The following BCAS3 variants were observed in gnomAD, a reference collection of about 807,000 sequenced individuals.
BCAS3 encodes the protein BCAS4/BCAS3 fusion.
BCAS3 carries 53 observed loss-of-function variants against 116.1 expected under a neutral mutation model. The ratio of observed to expected loss-of-function variants is 0.46; its 90% CI spans 0.37 to 0.57. BCAS3 has a LOEUF of 0.57. Among genes scored for constraint, BCAS3 ranks in the 20% least tolerant of loss-of-function variants. The pLI is 0.00. For synonymous variants in BCAS3, 391 were observed against 408.2 expected, an observed-to-expected ratio of 0.96 and a Z score of 0.51; for missense variants, 917 against 1,165.4, an observed-to-expected ratio of 0.79 and a Z score of 3.10.
chr17:60,867,398 G>A (rs957703613), intron 7 of BCAS3, among the ~76,000 whole-genome samples: 3 of 151,972 alleles, frequency 2.0e-5, no homozygotes, highest in Admixed American at 1.3e-4. Flanking sequence ...GAGCCACCAC[G>A]CCTGGCCTAC....
intron 5 of BCAS3, among the ~76,000 whole-genome samples, chr17:60,719,349 G>A (rs777432958): frequency 2.6e-5 from 4 of 152,288 alleles, no homozygotes; most frequent in Non-Finnish European, 4.4e-5. Flanking sequence ...CCAAACATAT[G>A]TATATAGTTT....
chr17:60,988,030 A>G (rs75502779), intron 14 of BCAS3, among the ~76,000 whole-genome samples: 9,557 of 152,066 alleles, frequency 0.063, 402 homozygotes, highest in Non-Finnish European at 0.1. Context: ...AGTTTTTATT[A>G]TGAAGTAATG....
intron 4 of BCAS3, among the ~76,000 whole-genome samples, chr17:60,705,512 C>CAAAA (rs1033436210): frequency 1.9e-4 from 12 of 61,840 alleles, no homozygotes; most frequent in Admixed American, 3.4e-4. Flanking sequence ...AGACTTGTCT[C>CAAAA]AAAAAAAAAA....
chr17:60,854,333 G>A (rs1362006448), intron 7 of BCAS3, among the ~76,000 whole-genome samples: 2 of 152,116 alleles, frequency 1.3e-5, no homozygotes, highest in East Asian at 3.9e-4. Flanking sequence ...AGTCTTTGCT[G>A]TTGTGAATAG....
At position 61,084,691 on chromosome 17, in the gene BCAS3, A is replaced by G. The variant is rs910711285; in HGVS notation, c.2425+127A>G. On this transcript the variant is annotated intron_variant, in intron 22 of 23. Coordinates refer to ENST00000407086, the MANE Select transcript of BCAS3 (RefSeq NM_017679.5). This position sits in a 1 kb window ranked among gnomAD's most constrained non-coding sequence, Gnocchi z 5.5. ...TTTTTTTGTTTTGTGGTGTGTGTGC[A>G]TTTTAATACAGTACTGTGCCTATAT... 1.6e-5 allele frequency: 12 copies of G among 771,432 alleles called. No individual in the cohort carries two copies. Among genetic ancestry groups the G allele is most frequent in the Non-Finnish European group, 2.4e-5 (11 of 454,106 alleles). 47.8% of individuals were successfully genotyped at this position (771,432 alleles called of 1,614,324 possible).
intron 3 of BCAS3, among the ~76,000 whole-genome samples, chr17:60,686,784 G>A (rs1330311830): frequency 1.3e-5 from 2 of 151,908 alleles, no homozygotes; most frequent in African/African-American, 4.8e-5. Flanking sequence ...CCTTGGCCTC[G>A]CAAAGTTCTG....
chr17:60,741,831 T>A lies in BCAS3; in HGVS notation c.322-5367T>A, dbSNP rs552028936. Among the ~76,000 whole-genome samples the A allele has an allele frequency of 9.9e-4, 151 of 152,326 alleles. 1 individual carries two copies. Among genetic ancestry groups the A allele is most frequent in the African/African-American group, 3.5e-3 (145 of 41,584 alleles). On this transcript the variant is annotated intron_variant, in intron 5 of 23. Coordinates refer to ENST00000407086, the MANE Select transcript of BCAS3 (RefSeq NM_017679.5). ...AGATACACATGTGCCTGCCCTAATA[T>A]ACAGAAGTAGTTACTCTACTAGATA... is the stretch of plus-strand genomic sequence containing the variant.
rs1238649701 is a variant in BCAS3, at chr17:61,156,013, A to G, written c.2425+71449A>G. On this transcript the variant is annotated intron_variant, in intron 22 of 23. Transcript: ENST00000407086. The surrounding 1 kb of genome is among the most constrained non-coding windows in gnomAD (Gnocchi z 4.7). Reference sequence around the variant, plus strand: ...AGAATTGAGTTTTACTTTTCATGGTATTGTTTAAAGTGACTTAAATGACTT... The same window carrying G: ...AGAATTGAGTTTTACTTTTCATGGTGTTGTTTAAAGTGACTTAAATGACTT... Among the ~76,000 whole-genome samples the G allele has an allele frequency of 2.6e-5, 4 of 151,826 alleles. No homozygotes were observed. Among genetic ancestry groups the G allele is most frequent in the Non-Finnish European group, 4.4e-5 (3 of 68,008 alleles).
At chr17:61,101,746 T>C (rs2074341445) in intron 22 of BCAS3, among the ~76,000 whole-genome samples, 1 of 152,182 alleles carries the variant, frequency 6.6e-6, no homozygotes, top group East Asian at 1.9e-4. Context: ...TGGTTTGTTT[T>C]GTGTGATGTA....
At position 61,041,574 on chromosome 17, in the gene BCAS3, C is replaced by CT. The variant is rs1377450538; in HGVS notation, c.2029+683dup. ...GAATCCTTAATTTAATTTGATGGCT[C>CT]TGAGTAGTGCACGCTTTAAAGAAAA... is the stretch of plus-strand genomic sequence containing the variant. On this transcript the variant is annotated intron_variant, in intron 19 of 23. Coordinates refer to ENST00000407086, the MANE Select transcript of BCAS3 (RefSeq NM_017679.5). The surrounding 1 kb of genome is among the most constrained non-coding windows in gnomAD (Gnocchi z 4.7). Among the ~76,000 whole-genome samples the CT allele has an allele frequency of 6.6e-6, 1 of 151,964 alleles. No homozygotes were observed. The highest frequency in any genetic ancestry group is 2.4e-5 in the African/African-American group (1 of 41,400).
Position 61,380,462 on chromosome 17 carries a change from C to T in BCAS3, c.2594-11515C>T, listed in dbSNP as rs1470707894. On this transcript the variant is annotated intron_variant, in intron 23 of 23. Transcript: ENST00000407086. The surrounding 1 kb of genome is among the most constrained non-coding windows in gnomAD (Gnocchi z 4.2). ...AGCTCTTCCTGCTCTCTTAAAGGTCCAGTTTGTGATCCGCTTTAAAGGAAT... is the reference window on the plus strand; with the variant it reads ...AGCTCTTCCTGCTCTCTTAAAGGTCTAGTTTGTGATCCGCTTTAAAGGAAT... The T allele has an allele frequency of 6.4e-7, 1 of 1,551,048 alleles. No homozygotes were observed. The highest frequency in any genetic ancestry group is 1.1e-5 in the South Asian group (1 of 88,746).
chr17:60,835,687 A>G (rs143013080), intron 7 of BCAS3, among the ~76,000 whole-genome samples: 541 of 152,212 alleles, frequency 3.6e-3, no homozygotes, highest in African/African-American at 0.012. Flanking sequence ...TTTCCTGTAT[A>G]AAGTTTTACC....
chr17:61,029,195 G>T lies in BCAS3; in HGVS notation c.1638-5471G>T, dbSNP rs1192198671. The stretch of plus-strand genomic sequence containing the variant: ...TCTACAAACTTTTTATTAGTTTCGA[G>T]TTGCAACGTTAACACTTAGCTAAGA... On this transcript the variant is annotated intron_variant, in intron 16 of 23. Transcript: ENST00000407086. The surrounding 1 kb of genome is among the most constrained non-coding windows in gnomAD (Gnocchi z 5.2). Among the ~76,000 whole-genome samples the T allele has an allele frequency of 6.6e-6, 1 of 151,874 alleles. No individual in the cohort carries two copies. The highest frequency in any genetic ancestry group is 1.5e-5 in the Non-Finnish European group (1 of 67,856).
intron 22 of BCAS3, among the ~76,000 whole-genome samples, chr17:61,190,390 A>G (rs2144221074): frequency 6.6e-6 from 1 of 151,614 alleles, no homozygotes; most frequent in Non-Finnish European, 1.5e-5. Context: ...AGCTGGGCGC[A>G]GTTGTGTGCA....
chr17:61,047,150 A>G (rs1000196284), intron 19 of BCAS3, among the ~76,000 whole-genome samples: 3 of 151,990 alleles, frequency 2.0e-5, no homozygotes, highest in African/African-American at 7.2e-5. Context: ...TCCTACCTAT[A>G]TTAATTGAAT....
chr17:61,049,127 G>C (rs963247272), intron 19 of BCAS3, among the ~76,000 whole-genome samples: 1 of 151,692 alleles, frequency 6.6e-6, no homozygotes, highest in South Asian at 2.1e-4. Flanking sequence ...GTGAGACCCT[G>C]ACTCTAAAGA....
intron 22 of BCAS3, among the ~76,000 whole-genome samples, chr17:61,328,976 C>G (rs1261877542): frequency 6.7e-6 from 1 of 148,564 alleles, no homozygotes; most frequent in Admixed American, 6.8e-5. Context: ...CTCACCGCAA[C>G]CTCCGCCTCC....
At chr17:61,070,905 G>A (rs2071365969) in intron 19 of BCAS3, among the ~76,000 whole-genome samples, 1 of 152,128 alleles carries the variant, frequency 6.6e-6, no homozygotes, top group Non-Finnish European at 1.5e-5. Flanking sequence ...AGCCACCTAA[G>A]GTCATTTCCA....
chr17:61,309,473 T>A lies in BCAS3; in HGVS notation c.2426-58854T>A, dbSNP rs2054125260. The stretch of plus-strand genomic sequence containing the variant: ...CAGGGGCATAACTGTGGACCTAAAG[T>A]GGACATCAGAGGGGTCCCGGCAATG... On this transcript the variant is annotated intron_variant, in intron 22 of 23. Coordinates refer to ENST00000407086, the MANE Select transcript of BCAS3 (RefSeq NM_017679.5). This position sits in a 1 kb window ranked among gnomAD's most constrained non-coding sequence, Gnocchi z 4.6. Among the ~76,000 whole-genome samples the A allele has an allele frequency of 6.6e-6, 1 of 152,120 alleles. No individual in the cohort carries two copies. Among genetic ancestry groups the A allele is most frequent in the South Asian group, 2.1e-4 (1 of 4,816 alleles).
Sources: allele counts gnomAD v4.1 joint callset (sites outside exome capture counted in the v4.1 genomes callset), GRCh38; gene constraint gnomAD v4.1.1; non-coding constraint Gnocchi (gnomAD v3.1); transcripts MANE v1.5; gene names NCBI Gene and HGNC (gene_info 2026-07-23, HGNC 2026-07-21).